Variants in ANKRD30B observed in about 807,000 individuals in gnomAD.
The protein encoded by ANKRD30B is ankyrin repeat domain-containing protein 30B.
Under a neutral mutation model 202.2 loss-of-function variants are expected in ANKRD30B, and 144 were observed. The observed-to-expected ratio is 0.71, with a 90% CI of 0.62 to 0.82. ANKRD30B has a LOEUF of 0.82. Ranked by LOEUF, ANKRD30B falls within the 40% of genes least tolerant of loss-of-function variation. The pLI, the probability that ANKRD30B is intolerant of heterozygous loss-of-function variation, is 0.00. For missense variants in ANKRD30B, 1,487 were observed against 1,669.1 expected (o/e 0.89, Z 1.90); for synonymous variants, 508 against 561.3 (o/e 0.91, Z 1.34).
the ANKRD30B span, among the ~76,000 whole-genome samples, chr18:14,892,493 C>A: frequency 6.6e-6 from 1 of 152,082 alleles, no homozygotes; most frequent in Non-Finnish European, 1.5e-5. Context: ...AATCCCAGCA[C>A]TTTGGGAGGC....
chr18:14,756,054 C>T (rs1341398599), intron 4 of ANKRD30B, among the ~76,000 whole-genome samples: 2 of 152,218 alleles, frequency 1.3e-5, no homozygotes, highest in African/African-American at 2.4e-5. Context: ...TCCACATCCT[C>T]TCCAGCACCT....
chr18:14,774,825 TAAAA>T (rs570906507), intron 9 of ANKRD30B, among the ~76,000 whole-genome samples: 3 of 140,620 alleles, frequency 2.1e-5, no homozygotes, highest in East Asian at 4.1e-4. Flanking sequence ...TTATTTTAGC[TAAAA>T]AAAAAAAAAA....
chr18:14,841,080 A>G (rs1420147364), intron 37 of ANKRD30B, among the ~76,000 whole-genome samples: 1 of 152,192 alleles, frequency 6.6e-6, no homozygotes. Flanking sequence ...CCCATTACCA[A>G]AATTTGGCAG....
chr18:14,789,861 CT>C (rs202237396), intron 15 of ANKRD30B, among the ~76,000 whole-genome samples: 2,353 of 152,228 alleles, frequency 0.015, 64 homozygotes, highest in African/African-American at 0.054. Context: ...TTAGGATTGA[CT>C]TGGAGATGCA....
intron 22 of ANKRD30B, among the ~76,000 whole-genome samples, chr18:14,800,161 G>A (rs1239644315): frequency 6.6e-6 from 1 of 151,268 alleles, no homozygotes; most frequent in African/African-American, 2.5e-5. Context: ...GAACCCATGA[G>A]GCAGAAGTTG....
chr18:14,755,883 T>C (rs1567978848), intron 4 of ANKRD30B, among the ~76,000 whole-genome samples: 1 of 152,192 alleles, frequency 6.6e-6, no homozygotes, highest in Non-Finnish European at 1.5e-5. Flanking sequence ...TGTGTCTTTA[T>C]AGCAGCATGA....
the ANKRD30B span, among the ~76,000 whole-genome samples, chr18:14,930,456 C>T: frequency 1.3e-5 from 2 of 152,100 alleles, no homozygotes; most frequent in African/African-American, 4.8e-5. Flanking sequence ...CCATGGTCTT[C>T]TCTGATGAGG....
At chr18:14,809,107 A>G (rs376867184) in intron 26 of ANKRD30B, among the ~76,000 whole-genome samples, 3 of 140,560 alleles carry the variant, frequency 2.1e-5, no homozygotes, top group Admixed American at 7.0e-5. Flanking sequence ...ACAATTCACT[A>G]GATATACCCG....
the ANKRD30B span, among the ~76,000 whole-genome samples, chr18:14,936,962 G>T: frequency 7.9e-5 from 12 of 152,172 alleles, no homozygotes; most frequent in Non-Finnish European, 1.5e-4. Flanking sequence ...CCAGTCCTGG[G>T]CTCCAGGCTG....
At position 14,850,254 on chromosome 18, in the gene ANKRD30B, G is replaced by T. The variant is rs776867847; in HGVS notation, c.3436G>T (p.Asp1146Tyr). 1 of 1,584,426 alleles carries T rather than the reference G, an allele frequency of 6.3e-7. No homozygotes were observed. The highest frequency in any genetic ancestry group is 8.6e-7 in the Non-Finnish European group (1 of 1,168,438). The change falls in exon 41 of 44, where the codon GAT becomes TAT. Residue 1146 changes from aspartate to tyrosine, a missense_variant. By Grantham distance (160) the Asp-to-Tyr change is radical. Around this residue, in one of 6 missense-constraint regions of ANKRD30B, gnomAD observed 177 missense variants for 216.4 expected, o/e 0.82. Transcript: ENST00000690538. ...AGAAGAAGAGAAGAGAAGAAATGTC[G>T]ATATATTAAAAGAAAAAATTAGACC... ...NQEEEKRRNV[D>Y]ILKEKIRPEE...
At chr18:14,840,431 C>T (rs1395184992) in intron 36 of ANKRD30B, among the ~76,000 whole-genome samples, 157 bp from the exon 37 acceptor site, 1 of 151,900 alleles carries the variant, frequency 6.6e-6, no homozygotes, top group Non-Finnish European at 1.5e-5. Context: ...CCCAGCTACT[C>T]GGGACACTGA....
At chr18:14,821,517 G>A (rs1970421476) in intron 30 of ANKRD30B, among the ~76,000 whole-genome samples, 1 of 152,146 alleles carries the variant, frequency 6.6e-6, no homozygotes, top group Admixed American at 6.5e-5. Flanking sequence ...GAGCGCAGTG[G>A]CACGATCTTG....
intron 1 of ANKRD30B, 126 bp downstream of exon 1, chr18:14,748,766 G>A: frequency 9.5e-7 from 1 of 1,056,828 alleles, no homozygotes; most frequent in Non-Finnish European, 1.3e-6. Context: ...CGGGCGATGG[G>A]GCGGCCGTCC....
intron 24 of ANKRD30B, among the ~76,000 whole-genome samples, chr18:14,808,047 A>C (rs1358552004): frequency 6.6e-6 from 1 of 151,158 alleles, no homozygotes; most frequent in African/African-American, 2.4e-5. Flanking sequence ...TGTACCTTTG[A>C]ATTCTCATCG....
At chr18:14,764,135 G>T (rs1474756106) in intron 7 of ANKRD30B, 45 bp downstream of exon 7, 8 of 1,457,344 alleles carry the variant, frequency 5.5e-6, no homozygotes, top group Middle Eastern at 1.8e-4. Flanking sequence ...GGCACTTTGG[G>T]TTCCCTAGTG....
intron 24 of ANKRD30B, among the ~76,000 whole-genome samples, chr18:14,806,048 A>G (rs1969489692): frequency 6.7e-6 from 1 of 149,744 alleles, no homozygotes; most frequent in Admixed American, 6.6e-5. Context: ...GTGAAACCCC[A>G]TCTCTAATAA....
chr18:14,826,032 T>A (rs1970643557), intron 32 of ANKRD30B, among the ~76,000 whole-genome samples: 1 of 152,086 alleles, frequency 6.6e-6, no homozygotes, highest in African/African-American at 2.4e-5. Flanking sequence ...AACATTCATG[T>A]GGGATATTTT....
chr18:14,752,145 A>G (rs1913550517), intron 1 of ANKRD30B, among the ~76,000 whole-genome samples: 1 of 152,184 alleles, frequency 6.6e-6, no homozygotes, highest in Non-Finnish European at 1.5e-5. Context: ...TATAATATCT[A>G]ACAATTACTT....
the ANKRD30B span, among the ~76,000 whole-genome samples, chr18:14,882,647 C>T: frequency 6.6e-6 from 1 of 151,848 alleles, no homozygotes; most frequent in Non-Finnish European, 1.5e-5. Flanking sequence ...AGTTTAAATC[C>T]AGTGTTTCTT....
Sources: gnomAD v4.1 joint callset for allele counts (sites outside exome capture counted in the v4.1 genomes callset) on GRCh38, gnomAD v4.1.1 for gene constraint, gnomAD v4.1.1 regional missense constraint, MANE v1.5 for transcripts, NCBI Gene and HGNC (gene_info 2026-07-23, HGNC 2026-07-21) for gene names.